CA5A: variants seen among roughly 807,000 people sequenced by gnomAD.
CA5A encodes the protein carbonic anhydrase 5A, mitochondrial.
In CA5A, 28 loss-of-function variants were observed where a neutral mutation model predicts 37.1. The ratio of observed to expected loss-of-function variants is 0.75; its 90% CI spans 0.56 to 1.03. The LOEUF (loss-of-function observed/expected upper bound fraction) is 1.03, where lower values mean the gene tolerates loss of function less well. CA5A is among the 50% of genes least tolerant of loss of function. The probability of loss-of-function intolerance (pLI) is 0.00; values close to 1 mark genes in which losing one functional copy is unlikely to be tolerated. For synonymous variants in CA5A, 171 were observed against 158.4 expected (o/e 1.08, Z -0.60); for missense variants, 444 against 399.9 (o/e 1.11, Z -0.94).
chr16:87,934,178 A>G (rs113504756), intron 1 of CA5A, among the ~76,000 whole-genome samples: 6 of 152,366 alleles, frequency 3.9e-5, no homozygotes, highest in African/African-American at 1.4e-4. Flanking sequence ...TGCAGGCCCC[A>G]CCTCGGACCC....
chr16:87,894,257 A>C (rs2055769228), intron 5 of CA5A, among the ~76,000 whole-genome samples: 1 of 152,000 alleles, frequency 6.6e-6, no homozygotes, highest in African/African-American at 2.4e-5. Context: ...ATGCCAACCA[A>C]GCATAGCTCT....
downstream of CA5A, chr16:87,883,584 C>G (rs1452293468): frequency 4.0e-5 from 6 of 151,516 alleles, no homozygotes; most frequent in African/African-American, 1.5e-4. Flanking sequence ...CCTGCCTCAG[C>G]CTTCCAAAGT....
rs754350788 is a variant in CA5A, at chr16:87,904,816, G to A, written c.429C>T (p.His143=). The A allele has an allele frequency of 4.6e-5, 74 of 1,612,358 alleles. No individual in the cohort carries two copies. The highest frequency in any genetic ancestry group is 1.7e-4 in the Middle Eastern group (1 of 6,056). The change falls in exon 3 of 7, where the codon CAC becomes CAT. Residue 143 remains histidine, a synonymous_variant. Coordinates refer to ENST00000649794, the MANE Select transcript of CA5A (RefSeq NM_001739.2). ...WGAVNEGGSE[H]TVDGHAYPAE... is the part of the protein sequence containing the mutation. The stretch of plus-strand genomic sequence containing the variant: ...CGGGGTACGCGTGGCCGTCCACTGT[G>A]TGCTCTGAGCCCCCCTCGTTCACTG...
chr16:87,886,159 T>C (rs1038639060), downstream of CA5A: 5 of 150,792 alleles, frequency 3.3e-5, no homozygotes, highest in Non-Finnish European at 7.4e-5. Flanking sequence ...TTTTTTTTTT[T>C]TTTTTTTGAG....
intron 2 of CA5A, among the ~76,000 whole-genome samples, chr16:87,913,999 C>T (rs1025124403): frequency 6.6e-6 from 1 of 152,222 alleles, no homozygotes; most frequent in African/African-American, 2.4e-5. Flanking sequence ...TGCTTGACGT[C>T]GCTTATTTCC....
At chr16:87,929,347 G>T (rs1299246274) in intron 1 of CA5A, among the ~76,000 whole-genome samples, 1 of 150,832 alleles carries the variant, frequency 6.6e-6, no homozygotes, top group Non-Finnish European at 1.5e-5. Flanking sequence ...AGCTACCGGG[G>T]AGGCTGAGGC....
intron 2 of CA5A, among the ~76,000 whole-genome samples, chr16:87,915,498 GGGC>G (rs1370951058): frequency 2.0e-5 from 3 of 150,498 alleles, no homozygotes; most frequent in Non-Finnish European, 4.4e-5. Context: ...ACTTCAGCTT[GGGC>G]AACAGTACCA....
At chr16:87,906,348 C>T (rs1227838182) in intron 2 of CA5A, among the ~76,000 whole-genome samples, 1 of 152,200 alleles carries the variant, frequency 6.6e-6, no homozygotes, top group Non-Finnish European at 1.5e-5. Flanking sequence ...AGTACTTGGG[C>T]TGGGCGTGGT....
At chr16:87,931,645 C>T (rs1215855247) in intron 1 of CA5A, among the ~76,000 whole-genome samples, 1 of 152,150 alleles carries the variant, frequency 6.6e-6, no homozygotes, top group African/African-American at 2.4e-5. Context: ...AGTGCCTTCC[C>T]ACGCATGATA....
chr16:87,914,806 G>A (rs1323497503), intron 2 of CA5A, among the ~76,000 whole-genome samples: 5 of 152,156 alleles, frequency 3.3e-5, no homozygotes, highest in South Asian at 4.1e-4. Context: ...ACGGGCCACC[G>A]TCCCCTAAGT....
chr16:87,882,202 G>A (rs546846254), intron 4 of CA5A: 3 of 152,316 alleles, frequency 2.0e-5, no homozygotes, highest in East Asian at 3.9e-4. Flanking sequence ...GCAGAGGAGC[G>A]GGCTGTTCTC....
At chr16:87,923,378 G>T (rs1333397844) in intron 2 of CA5A, 1 of 183,626 alleles carries the variant, frequency 5.4e-6, no homozygotes, top group Non-Finnish European at 1.0e-5. Flanking sequence ...AGTACAGATG[G>T]GGTTTCACCA....
chr16:87,893,138 C>A, intron 5 of CA5A: 3 of 514,816 alleles, frequency 5.8e-6, no homozygotes, highest in Admixed American at 3.6e-5. Flanking sequence ...TTCTTTCTTT[C>A]TTTCTTTCTT....
At chr16:87,895,462 T>C (rs1437294784) in intron 5 of CA5A, among the ~76,000 whole-genome samples, 1 of 152,156 alleles carries the variant, frequency 6.6e-6, no homozygotes, top group Non-Finnish European at 1.5e-5. Context: ...GGAGAATCAC[T>C]TAAACCCGGG....
rs181068437 is a variant in CA5A at position 87,914,640 on chromosome 16, G to A, written c.341-9736C>T. On this transcript the variant is annotated intron_variant, in intron 2 of 6. Transcript: ENST00000649794. ...GGGAAGGGGCAGTTGCAGTGGGTGG[G>A]CATGGGGGCTCAGCTACTGGCACAG... 3.3e-5 allele frequency among the ~76,000 whole-genome samples: 5 copies of A among 152,156 alleles called. No individual in the cohort carries two copies. The East Asian group carries it at 9.7e-4, about 30-fold the overall frequency.
intron 2 of CA5A, among the ~76,000 whole-genome samples, chr16:87,912,527 C>T (rs116591916): frequency 0.023 from 3,434 of 152,282 alleles, 158 homozygotes; most frequent in African/African-American, 0.079. Flanking sequence ...CTCATTCATC[C>T]GAAAACACCC....
intron 1 of CA5A, among the ~76,000 whole-genome samples, chr16:87,928,955 G>A (rs1468832686): frequency 1.3e-5 from 2 of 149,592 alleles, no homozygotes. Flanking sequence ...TTTTTTCATA[G>A]AGACGGGGTT....
chr16:87,912,941 C>T (rs1487017532), intron 2 of CA5A, among the ~76,000 whole-genome samples: 1 of 151,372 alleles, frequency 6.6e-6, no homozygotes, highest in African/African-American at 2.4e-5. Context: ...GGGTCGGCGC[C>T]GGTGGTGGCT....
At chr16:87,903,212 C>T (rs2055906467) in intron 3 of CA5A, among the ~76,000 whole-genome samples, 1 of 152,130 alleles carries the variant, frequency 6.6e-6, no homozygotes, top group African/African-American at 2.4e-5. Context: ...GTGGGTGGAT[C>T]ACGAGGTCAG....
Sources: allele counts gnomAD v4.1 joint callset (sites outside exome capture counted in the v4.1 genomes callset), GRCh38; gene constraint gnomAD v4.1.1; transcripts MANE v1.5; gene names NCBI Gene and HGNC (gene_info 2026-07-23, HGNC 2026-07-21).